The following FAM81A variants were observed in gnomAD, a reference collection of about 807,000 sequenced individuals.
The protein encoded by FAM81A is family with sequence similarity 81 member A.
A neutral mutation model predicts 46.7 loss-of-function variants in FAM81A; 19 were observed. The observed-to-expected ratio is 0.41, with a 90% CI of 0.28 to 0.60. FAM81A has a LOEUF of 0.60. Among genes scored for constraint, FAM81A ranks in the 20% least tolerant of loss-of-function variants. The pLI, the probability that FAM81A is intolerant of heterozygous loss-of-function variation, is 0.34. For synonymous variants in FAM81A, 183 were observed against 152.9 expected (o/e 1.20, Z -1.45); for missense variants, 377 against 453.5 (o/e 0.83, Z 1.53).
At chr15:59,413,755 TA>T (rs1270479903) in intron 2 of FAM81A, among the ~76,000 whole-genome samples, 4 of 151,650 alleles carry the variant, frequency 2.6e-5, no homozygotes, top group African/African-American at 9.7e-5. Context: ...CCCCTGTCTC[TA>T]AAAAAAAGAG....
At chr15:59,479,583 A>C (rs2081822861) in intron 3 of FAM81A, among the ~76,000 whole-genome samples, 1 of 150,528 alleles carries the variant, frequency 6.6e-6, no homozygotes, top group Non-Finnish European at 1.5e-5. Flanking sequence ...TTGAGAATGG[A>C]ATGACATATG....
intron 3 of FAM81A, among the ~76,000 whole-genome samples, chr15:59,470,848 G>T (rs2081678140): frequency 6.6e-6 from 1 of 151,944 alleles, no homozygotes; most frequent in South Asian, 2.1e-4. Flanking sequence ...TTGAGACAGG[G>T]TCTGTCTGTC....
chr15:59,436,579 T>C (rs371751761), upstream of FAM81A, among the ~76,000 whole-genome samples: 3 of 152,154 alleles, frequency 2.0e-5, no homozygotes, highest in African/African-American at 4.8e-5. Context: ...TGATGGACTC[T>C]AGGTTTGAAT....
At chr15:59,405,907 T>C (rs1426578574) in intron 2 of FAM81A, among the ~76,000 whole-genome samples, 1 of 152,142 alleles carries the variant, frequency 6.6e-6, no homozygotes, top group Non-Finnish European at 1.5e-5. Flanking sequence ...CCTTAGAGCG[T>C]CTCCTAGGGC....
intron 3 of FAM81A, among the ~76,000 whole-genome samples, chr15:59,482,368 A>AGG (rs2081863710): frequency 6.6e-6 from 1 of 152,314 alleles, no homozygotes; most frequent in East Asian, 1.9e-4. Context: ...ACCTGGGTCC[A>AGG]AGCAATTCTC....
intron 1 of FAM81A, among the ~76,000 whole-genome samples, chr15:59,440,524 C>T (rs1423131616): frequency 6.6e-6 from 1 of 152,182 alleles, no homozygotes; most frequent in Admixed American, 6.5e-5. Context: ...TGTGTTGAAG[C>T]TCTCTTAATT....
intron 4 of FAM81A, 110 bp from the exon 5 acceptor site, chr15:59,507,103 G>T (rs2082157124): frequency 7.4e-7 from 1 of 1,347,092 alleles, no homozygotes; most frequent in Non-Finnish European, 1.0e-6. Flanking sequence ...AAAGAATGAT[G>T]GATAGTGCAC....
At chr15:59,422,638 A>G (rs1443833308) in intron 2 of FAM81A, among the ~76,000 whole-genome samples, 2 of 151,904 alleles carry the variant, frequency 1.3e-5, no homozygotes, top group Non-Finnish European at 2.9e-5. Context: ...CACCACGCTC[A>G]GCTAATTTTT....
chr15:59,430,984 G>A (rs1373330071), intron 2 of FAM81A, among the ~76,000 whole-genome samples: 2 of 152,150 alleles, frequency 1.3e-5, no homozygotes, highest in African/African-American at 4.8e-5. Flanking sequence ...GTAAATAAAT[G>A]TGTATGTTAA....
chr15:59,492,916 C>G (rs1189974687), intron 4 of FAM81A, among the ~76,000 whole-genome samples: 1 of 152,174 alleles, frequency 6.6e-6, no homozygotes, highest in African/African-American at 2.4e-5. Flanking sequence ...CACCCTGCAA[C>G]TACTGAGTTA....
In FAM81A at chr15:59,521,406, C is replaced by T. The variant is rs2082326977; in HGVS notation, c.*28C>T. 1.3e-6 allele frequency: 2 copies of T among 1,572,232 alleles called. No homozygotes were observed. The highest frequency in any genetic ancestry group is 2.3e-5 in the South Asian group (2 of 86,168). On this transcript the variant is annotated 3_prime_UTR_variant, in exon 9 of 9. Coordinates refer to ENST00000288228, the MANE Select transcript of FAM81A (RefSeq NM_152450.3). ...GGAGCTGGGACAAGGTCCTAAAAGA[C>T]AGTTTTGCCAGTGGGGCTAGGAGCC...
intron 3 of FAM81A, among the ~76,000 whole-genome samples, chr15:59,472,345 AAAACCAAACC>A (rs1157781521): frequency 6.6e-6 from 1 of 152,088 alleles, no homozygotes; most frequent in Non-Finnish European, 1.5e-5. Context: ...ATTCAAAACT[AAAACCAAACC>A]AAACCAAACC....
intron 1 of FAM81A, among the ~76,000 whole-genome samples, chr15:59,451,080 A>G (rs1207566381): frequency 2.6e-5 from 4 of 152,220 alleles, no homozygotes; most frequent in African/African-American, 4.8e-5. Context: ...TTTGATCATC[A>G]TGTTTCAGCA....
chr15:59,431,051 T>C (rs1323768128), intron 2 of FAM81A, among the ~76,000 whole-genome samples: 1 of 152,184 alleles, frequency 6.6e-6, no homozygotes, highest in Admixed American at 6.5e-5. Flanking sequence ...TTTATATGAA[T>C]TGGTGCCTTT....
intron 3 of FAM81A, among the ~76,000 whole-genome samples, chr15:59,486,641 G>A (rs1441403829): frequency 2.6e-5 from 4 of 152,018 alleles, no homozygotes; most frequent in Non-Finnish European, 2.9e-5. Flanking sequence ...GGATAAAGAA[G>A]GGATCCTAAA....
intron 3 of FAM81A, among the ~76,000 whole-genome samples, chr15:59,482,918 ATT>A (rs201791190): frequency 0.027 from 4,121 of 152,242 alleles, 83 homozygotes; most frequent in Non-Finnish European, 0.04. Context: ...TATGACTCAC[ATT>A]TTGTCATTCA....
chr15:59,428,823 G>T (rs963659455), intron 2 of FAM81A, among the ~76,000 whole-genome samples: 13 of 151,900 alleles, frequency 8.6e-5, no homozygotes, highest in Non-Finnish European at 2.9e-5. Context: ...TAGAGATGGG[G>T]TTTTGCCATG....
chr15:59,410,917 A>G (rs1364448332), intron 2 of FAM81A, among the ~76,000 whole-genome samples: 1 of 151,924 alleles, frequency 6.6e-6, no homozygotes, highest in Non-Finnish European at 1.5e-5. Flanking sequence ...CACCCAGCTA[A>G]TTTTTGTATT....
chr15:59,449,110 G>A (rs1345189918), intron 1 of FAM81A, among the ~76,000 whole-genome samples: 1 of 152,170 alleles, frequency 6.6e-6, no homozygotes, highest in African/African-American at 2.4e-5. Flanking sequence ...AATGCTTTAA[G>A]AGTAGAGATT....
Sources: gnomAD v4.1 joint callset for allele counts (sites outside exome capture counted in the v4.1 genomes callset) on GRCh38, gnomAD v4.1.1 for gene constraint, MANE v1.5 for transcripts, NCBI Gene and HGNC (gene_info 2026-07-23, HGNC 2026-07-21) for gene names.